The following MBD5 variants were observed in gnomAD, a reference collection of about 807,000 sequenced individuals.
MBD5 encodes the protein methyl-CpG binding domain protein 5, also known as methyl-CpG-binding domain protein 5.
In MBD5, 13 loss-of-function variants were observed where a neutral mutation model predicts 117.3. The observed-to-expected ratio is 0.11, with a 90% CI of 0.07 to 0.18. The LOEUF (loss-of-function observed/expected upper bound fraction) is 0.18, where lower values mean the gene tolerates loss of function less well. MBD5 is among the 10% of genes least tolerant of loss of function. The pLI, the probability that MBD5 is intolerant of heterozygous loss-of-function variation, is 1.00. For synonymous variants in MBD5, 727 were observed against 766.4 expected (o/e 0.95, Z 0.85); for missense variants, 1,879 against 2,093.8 (o/e 0.90, Z 2.00).
At chr2:148,244,235 A>T (rs551061257) in intron 3 of MBD5, 2 of 152,210 alleles carry the variant, frequency 1.3e-5, no homozygotes, top group South Asian at 4.2e-4. Flanking sequence ...TACCTATCTT[A>T]TAAGTTTGTT....
intron 4 of MBD5, among the ~76,000 whole-genome samples, chr2:148,383,712 T>C (rs1458675489): frequency 2.0e-5 from 3 of 151,964 alleles, no homozygotes; most frequent in Non-Finnish European, 4.4e-5. Flanking sequence ...AAATCTTCAA[T>C]AAAATACTGG....
chr2:148,120,526 ATTTTCT>A (rs1207571828), intron 1 of MBD5, among the ~76,000 whole-genome samples: 2 of 152,120 alleles, frequency 1.3e-5, no homozygotes, highest in Non-Finnish European at 2.9e-5. Flanking sequence ...ATTCATAAGT[ATTTTCT>A]TTTACATGCT....
At chr2:148,075,464 AC>A in intron 1 of MBD5, among the ~76,000 whole-genome samples, 1 of 152,296 alleles carries the variant, frequency 6.6e-6, no homozygotes, top group African/African-American at 2.4e-5. Context: ...AGTTATTAAA[AC>A]TTTTTTCATC....
At chr2:148,385,515 C>G (rs1704323738) in intron 4 of MBD5, among the ~76,000 whole-genome samples, 1 of 152,082 alleles carries the variant, frequency 6.6e-6, no homozygotes, top group Non-Finnish European at 1.5e-5. Flanking sequence ...GTTGGTGGAA[C>G]TGTAAACTGG....
chr2:148,244,969 A>T, intron 3 of MBD5, among the ~76,000 whole-genome samples: 1 of 116,048 alleles, frequency 8.6e-6, no homozygotes, highest in East Asian at 4.0e-4. Context: ...CTCCTTTGCC[A>T]TCTTAAACAA....
chr2:148,439,276 G>T (rs757439905), intron 4 of MBD5, among the ~76,000 whole-genome samples: 9 of 152,146 alleles, frequency 5.9e-5, no homozygotes, highest in Non-Finnish European at 1.0e-4. Flanking sequence ...GGGTGTTGAG[G>T]ATTGTATCTT....
intron 4 of MBD5, among the ~76,000 whole-genome samples, chr2:148,362,002 G>C (rs1191689025): frequency 6.6e-6 from 1 of 152,226 alleles, no homozygotes; most frequent in Non-Finnish European, 1.5e-5. Context: ...CAGATCAGGA[G>C]ATTCCCTCGG....
intron 3 of MBD5, among the ~76,000 whole-genome samples, chr2:148,270,717 T>G (rs1165506937): frequency 6.6e-6 from 1 of 152,062 alleles, no homozygotes; most frequent in African/African-American, 2.4e-5. Context: ...ACTTTCAATT[T>G]TTTTTTTGTT....
In MBD5 at chr2:148,178,235, G is replaced by A. The variant is rs538994487; in HGVS notation, c.-924-465G>A. ...TAAGTAATAAGAGGAATAGAATTTT[G>A]AATTTTTCATGAGGACAGAATACTG... On this transcript the variant is annotated intron_variant, in intron 1 of 13. Transcript: ENST00000642680. Among the ~76,000 whole-genome samples the A allele has an allele frequency of 2.0e-5, 3 of 152,186 alleles. No homozygotes were observed. The East Asian group carries it at 5.8e-4, about 29-fold the overall frequency.
intron 3 of MBD5, among the ~76,000 whole-genome samples, chr2:148,254,299 T>G (rs1352462302): frequency 6.6e-6 from 1 of 152,190 alleles, no homozygotes; most frequent in Non-Finnish European, 1.5e-5. Flanking sequence ...AGGTGCCTCC[T>G]TAGGCAGCAG....
intron 1 of MBD5, among the ~76,000 whole-genome samples, chr2:148,111,590 ATAAATGT>A (rs1450461207): frequency 9.2e-5 from 14 of 152,228 alleles, no homozygotes; most frequent in Non-Finnish European, 1.9e-4. Flanking sequence ...CACATTAAAC[ATAAATGT>A]TAAATGTCCT....
intron 1 of MBD5, among the ~76,000 whole-genome samples, chr2:148,108,860 A>G (rs1241413531): frequency 6.6e-6 from 1 of 152,240 alleles, no homozygotes; most frequent in Non-Finnish European, 1.5e-5. Flanking sequence ...AAATAGCTGG[A>G]CAAAGAACAT....
chr2:148,377,001 G>GAT (rs200318689), intron 4 of MBD5, among the ~76,000 whole-genome samples: 31 of 145,566 alleles, frequency 2.1e-4, no homozygotes, highest in East Asian at 9.9e-4. Flanking sequence ...AGAGAGAGAG[G>GAT]ATATATATAT....
rs1177979698 is a variant in MBD5, at chr2:148,032,622, T to C, written c.-925+10938T>C. ...CTAGGGAGTTATGTAGGAGCCAAAC[T>C]GCAGAACTTTGTGTAGGCCAAGCTT... On this transcript the variant is annotated intron_variant, in intron 1 of 13. Coordinates refer to ENST00000642680, the MANE Select transcript of MBD5 (RefSeq NM_001378120.1). Among the ~76,000 whole-genome samples the C allele has an allele frequency of 2.6e-5, 4 of 152,288 alleles. No individual in the cohort carries two copies. In the East Asian group the frequency reaches 7.7e-4, roughly 29 times the overall value.
At chr2:148,387,075 T>G (rs939789368) in intron 4 of MBD5, among the ~76,000 whole-genome samples, 1 of 152,160 alleles carries the variant, frequency 6.6e-6, no homozygotes, top group Non-Finnish European at 1.5e-5. Flanking sequence ...TATCAAACCC[T>G]TAATAGCCAA....
rs550873193 is a variant in MBD5 at position 148,506,310 on chromosome 2, G to A, written c.5037-3750G>A. Among the ~76,000 whole-genome samples, 7 of 152,278 alleles carry A rather than the reference G, an allele frequency of 4.6e-5. No homozygotes were observed. The South Asian group carries it at 6.2e-4, about 14-fold the overall frequency. ...CATATGTTATAGTTTTCATTTAAGC[G>A]AGGAGCAAATCTTCTGTCTATATGT... is the stretch of plus-strand genomic sequence containing the variant. On this transcript the variant is annotated intron_variant, in intron 12 of 13. Transcript: ENST00000642680.
chr2:148,094,591 C>A (rs1290326393), intron 1 of MBD5, among the ~76,000 whole-genome samples: 3 of 151,982 alleles, frequency 2.0e-5, no homozygotes, highest in African/African-American at 7.3e-5. Context: ...AGTGGTATGA[C>A]TATATAAAGC....
chr2:148,162,407 C>T lies in MBD5; in HGVS notation c.-924-16293C>T, dbSNP rs74978995. 6.2e-3 allele frequency among the ~76,000 whole-genome samples: 946 copies of T among 152,226 alleles called. 4 individuals carry two copies. The highest frequency in any genetic ancestry group is 0.015 in the African/African-American group (643 of 41,532). On this transcript the variant is annotated intron_variant, in intron 1 of 13. Coordinates refer to ENST00000642680, the MANE Select transcript of MBD5 (RefSeq NM_001378120.1). ...TAAGACAACTACCTAATTAACCCAA[C>T]GATTAGAATTATTCACATTTAGGCT...
intron 4 of MBD5, among the ~76,000 whole-genome samples, chr2:148,404,380 G>T (rs1418416347): frequency 1.3e-5 from 2 of 152,096 alleles, no homozygotes; most frequent in African/African-American, 4.8e-5. Context: ...AGCTCTGTGT[G>T]ACTTTCTTTC....
Sources: gnomAD v4.1 joint callset for allele counts (sites outside exome capture counted in the v4.1 genomes callset) on GRCh38, gnomAD v4.1.1 for gene constraint, MANE v1.5 for transcripts, NCBI Gene and HGNC (gene_info 2026-07-23, HGNC 2026-07-21) for gene names.